Variants in STYX observed in about 807,000 individuals in gnomAD.
The protein encoded by STYX is serine/threonine/tyrosine-interacting protein.
In STYX, 20 loss-of-function variants were observed where a neutral mutation model predicts 42.7. The ratio of observed to expected loss-of-function variants is 0.47; its 90% CI spans 0.33 to 0.68. The LOEUF is 0.68. STYX is among the 30% of genes least tolerant of loss of function. The pLI is 0.02. For missense variants in STYX, 226 were observed against 268.5 expected (o/e 0.84, Z 1.11); for synonymous variants, 78 against 81.9 (o/e 0.95, Z 0.26).
chr14:52,738,123 G>A (rs1881034297), intron 1 of STYX, among the ~76,000 whole-genome samples: 1 of 152,164 alleles, frequency 6.6e-6, no homozygotes, highest in Non-Finnish European at 1.5e-5. Flanking sequence ...CTGGGTTAGG[G>A]CAGCAAAGAA....
intron 10 of STYX, among the ~76,000 whole-genome samples, 159 bp from the exon 11 acceptor site, chr14:52,770,874 A>G (rs755363942): frequency 3.3e-5 from 5 of 152,254 alleles, no homozygotes; most frequent in South Asian, 2.1e-4. Context: ...TATAATATTT[A>G]GGTAATTTAT....
Position 52,730,229 on chromosome 14 carries a change from A to G in STYX, c.-246A>G. The G allele has an allele frequency of 1.8e-6, 1 of 562,710 alleles. No individual in the cohort carries two copies. 34.9% of individuals were successfully genotyped at this position (562,710 alleles called of 1,614,324 possible). On this transcript the variant is annotated 5_prime_UTR_variant, in exon 1 of 11. Transcript: ENST00000354586. Reference sequence around the variant, plus strand: ...CTGAGGGGTACGGAGACTCTGGGGGAGGGAGACGGCAGCGGCATGGCGGCC... The same window carrying G: ...CTGAGGGGTACGGAGACTCTGGGGGGGGGAGACGGCAGCGGCATGGCGGCC...
chr14:52,745,871 AT>A lies in STYX; in HGVS notation c.91-554del, dbSNP rs529859742. Among the ~76,000 whole-genome samples, 39 of 152,344 alleles carry A rather than the reference AT, an allele frequency of 2.6e-4. No individual in the cohort carries two copies. In the East Asian group the frequency reaches 7.3e-3, roughly 29 times the overall value. On this transcript the variant is annotated intron_variant, in intron 2 of 10. Transcript: ENST00000354586. Reference sequence around the variant, plus strand: ...TTAGGAGGAATGCAAAGATGACTAAATGTAATTTCTGCCCACAAAAGCCTGG... The same window carrying A: ...TTAGGAGGAATGCAAAGATGACTAAAGTAATTTCTGCCCACAAAAGCCTGG...
intron 2 of STYX, 60 bp downstream of exon 2, chr14:52,744,944 G>C: frequency 6.5e-7 from 1 of 1,534,790 alleles, no homozygotes; most frequent in African/African-American, 1.4e-5. Context: ...AAGAACCTTA[G>C]TTTATAGGAT....
At chr14:52,759,657 A>C (rs1381225458) in intron 8 of STYX, 25 bp from the exon 9 acceptor site, 1 of 1,496,168 alleles carries the variant, frequency 6.7e-7, no homozygotes, top group Non-Finnish European at 9.3e-7. Flanking sequence ...ATGCTATCAC[A>C]TTAACACTCT....
intron 4 of STYX, among the ~76,000 whole-genome samples, chr14:52,753,043 G>T (rs1468918174): frequency 7.2e-6 from 1 of 138,188 alleles, no homozygotes; most frequent in Non-Finnish European, 1.6e-5. Flanking sequence ...ACCACACCCA[G>T]CTAATTTTTT....
chr14:52,736,181 C>G (rs549651061), intron 1 of STYX, among the ~76,000 whole-genome samples: 92 of 152,296 alleles, frequency 6.0e-4, no homozygotes, highest in African/African-American at 2.2e-3. Context: ...TTACCCTCAC[C>G]TAATTAACTG....
chr14:52,757,055 T>A (rs989248389), intron 5 of STYX, among the ~76,000 whole-genome samples: 15 of 152,214 alleles, frequency 9.9e-5, no homozygotes, highest in Admixed American at 5.9e-4. Context: ...GATTGTGTTT[T>A]TAAAAGAATT....
At chr14:52,761,566 G>GTTTTTT in intron 9 of STYX, among the ~76,000 whole-genome samples, 1 of 100,830 alleles carries the variant, frequency 9.9e-6, no homozygotes, top group Non-Finnish European at 1.9e-5. Context: ...GTAGCCAAAA[G>GTTTTTT]TTTTTTTTTT....
chr14:52,733,174 A>G (rs978164736), intron 1 of STYX, among the ~76,000 whole-genome samples: 2 of 152,152 alleles, frequency 1.3e-5, no homozygotes, highest in African/African-American at 2.4e-5. Context: ...ATACACTTCA[A>G]TTCTTCCCTG....
intron 1 of STYX, among the ~76,000 whole-genome samples, chr14:52,739,344 T>C (rs1179064598): frequency 6.6e-6 from 1 of 152,168 alleles, no homozygotes; most frequent in Non-Finnish European, 1.5e-5. Context: ...TTACACAAAA[T>C]TTAGTGATTT....
chr14:52,750,147 A>G (rs1443688425), intron 3 of STYX, among the ~76,000 whole-genome samples: 1 of 152,194 alleles, frequency 6.6e-6, no homozygotes, highest in Non-Finnish European at 1.5e-5. Context: ...TAACTTCAGG[A>G]AAATTTTTAA....
Position 52,746,425 on chromosome 14 carries a change from G to A in STYX, c.91-1G>A. ...AATACCTCAAATTTTTTTTTTTCTA[G>A]GAAATTTTACCTGGATTGTTCTTAG... On this transcript the variant is annotated splice_acceptor_variant, in intron 2 of 10. Transcript: ENST00000354586. LOFTEE classifies it high-confidence loss of function. 6.4e-7 allele frequency: 1 copy of A among 1,553,462 alleles called. No homozygotes were observed. Among genetic ancestry groups the A allele is most frequent in the Non-Finnish European group, 8.6e-7 (1 of 1,160,090 alleles).
intron 10 of STYX, 45 bp from the exon 11 acceptor site, chr14:52,770,988 G>T: frequency 6.3e-7 from 1 of 1,582,366 alleles, no homozygotes; most frequent in South Asian, 1.1e-5. Context: ...CTTTTAACAT[G>T]AATTTATTTT....
chr14:52,748,547 T>A (rs1489296525), intron 3 of STYX, among the ~76,000 whole-genome samples: 2 of 152,244 alleles, frequency 1.3e-5, no homozygotes, highest in Non-Finnish European at 2.9e-5. Flanking sequence ...AAAGTTTTTC[T>A]ACTGTTTTTA....
intron 4 of STYX, 28 bp downstream of exon 4, chr14:52,750,808 A>C (rs1476945680): frequency 7.1e-7 from 1 of 1,418,362 alleles, no homozygotes; most frequent in Admixed American, 2.1e-5. Context: ...GATTTGTAAA[A>C]CACTTAATGA....
At chr14:52,746,289 TAA>T (rs1197165548) in intron 2 of STYX, 135 bp from the exon 3 acceptor site, 1 of 586,288 alleles carries the variant, frequency 1.7e-6, no homozygotes, top group Non-Finnish European at 2.8e-6. Context: ...AAAAAAAGAT[TAA>T]AAAAATAGAT....
chr14:52,772,001 C>T lies in STYX; in HGVS notation c.*895C>T, dbSNP rs1283582598. On this transcript the variant is annotated 3_prime_UTR_variant, in exon 11 of 11. Transcript: ENST00000354586. The stretch of plus-strand genomic sequence containing the variant: ...TGATTCTAAATAGAATCTAATAAAC[C>T]AATGTAGCATTATTTTTTTCTAAAT... 1 of 152,080 alleles carries T rather than the reference C, an allele frequency of 6.6e-6. No homozygotes were observed. Among genetic ancestry groups the T allele is most frequent in the Non-Finnish European group, 1.5e-5 (1 of 67,858 alleles). 9.4% of individuals were successfully genotyped at this position (152,080 alleles called of 1,614,324 possible).
At chr14:52,745,202 C>T (rs1344551605) in intron 2 of STYX, among the ~76,000 whole-genome samples, 2 of 151,208 alleles carry the variant, frequency 1.3e-5, no homozygotes, top group African/African-American at 2.4e-5. Context: ...CTCACCGCAA[C>T]GTCCACCTCC....
Sources: gnomAD v4.1 joint callset for allele counts (sites outside exome capture counted in the v4.1 genomes callset) on GRCh38, gnomAD v4.1.1 for gene constraint, MANE v1.5 for transcripts, NCBI Gene and HGNC (gene_info 2026-07-23, HGNC 2026-07-21) for gene names.